KYNU: variants seen among roughly 807,000 people sequenced by gnomAD.
The protein encoded by KYNU is L-kynurenine hydrolase.
A neutral mutation model predicts 59.2 loss-of-function variants in KYNU; 54 were observed. The observed-to-expected ratio is 0.91, with a 90% CI of 0.73 to 1.14. KYNU has a LOEUF of 1.14. KYNU is among the 50% of genes most tolerant of loss of function. KYNU has a pLI of 0.00. For synonymous variants in KYNU, 177 were observed against 192.0 expected (o/e 0.92, Z 0.65); for missense variants, 567 against 554.4 (o/e 1.02, Z -0.23).
At chr2:142,905,997 C>T (rs780422246) in intron 2 of KYNU, among the ~76,000 whole-genome samples, 1 of 152,082 alleles carries the variant, frequency 6.6e-6, no homozygotes, top group African/African-American at 2.4e-5. Context: ...TCTCTCTCAT[C>T]TCTGTCTCTC....
At chr2:143,018,131 G>A (rs1039362471) in intron 10 of KYNU, among the ~76,000 whole-genome samples, 17 of 152,104 alleles carry the variant, frequency 1.1e-4, no homozygotes, top group African/African-American at 3.9e-4. Context: ...CAGTGAAGAA[G>A]CTCTTTAGTT....
chr2:142,997,915 C>G (rs970770567), intron 10 of KYNU, among the ~76,000 whole-genome samples: 2 of 152,274 alleles, frequency 1.3e-5, no homozygotes, highest in Admixed American at 6.5e-5. Flanking sequence ...ATCATATTCA[C>G]TAGATCCCCA....
At chr2:142,981,563 A>C (rs1298384714) in intron 8 of KYNU, among the ~76,000 whole-genome samples, 1 of 152,084 alleles carries the variant, frequency 6.6e-6, no homozygotes, top group Non-Finnish European at 1.5e-5. Context: ...GTTTTGATGA[A>C]GATTAATTAT....
At chr2:142,973,872 TAA>T (rs1684811383) in intron 8 of KYNU, among the ~76,000 whole-genome samples, 1 of 152,168 alleles carries the variant, frequency 6.6e-6, no homozygotes, top group African/African-American at 2.4e-5. Flanking sequence ...TAGAAATATG[TAA>T]AGAGAATATT....
intron 10 of KYNU, among the ~76,000 whole-genome samples, chr2:143,002,044 T>G (rs1254176220): frequency 6.6e-6 from 1 of 152,168 alleles, no homozygotes; most frequent in African/African-American, 2.4e-5. Flanking sequence ...GGGTAATAGA[T>G]CCACAGGTAA....
rs919956036 is a variant in KYNU at position 142,954,698 on chromosome 2, G to A, written c.374-112G>A. The stretch of plus-strand genomic sequence containing the variant: ...TTCTTTGTGATGACACATCAAATAT[G>A]CCCTTATCTCTAAAGACATTAAGAA... On this transcript the variant is annotated intron_variant, in intron 4 of 13. Transcript: ENST00000264170. The A allele has an allele frequency of 9.4e-5, 68 of 725,718 alleles. No homozygotes were observed. The Admixed American group carries it at 1.3e-3, about 14-fold the overall frequency. The allele number at this position is 725,718 out of a possible 1,614,324, so 45.0% of individuals were successfully genotyped here.
chr2:142,920,839 G>A (rs552805816), intron 3 of KYNU, among the ~76,000 whole-genome samples: 1 of 152,296 alleles, frequency 6.6e-6, no homozygotes, highest in Admixed American at 6.5e-5. Context: ...AATGTCTGTG[G>A]TGTTTGGGAT....
chr2:142,950,072 T>C (rs1683937312), intron 4 of KYNU, among the ~76,000 whole-genome samples: 1 of 152,194 alleles, frequency 6.6e-6, no homozygotes, highest in Admixed American at 6.5e-5. Context: ...AGAGTCACCT[T>C]TGCTCCAGTT....
intron 10 of KYNU, among the ~76,000 whole-genome samples, chr2:143,016,692 T>C (rs1044080284): frequency 6.6e-6 from 1 of 152,232 alleles, no homozygotes; most frequent in Non-Finnish European, 1.5e-5. Context: ...TTTATAATTA[T>C]GACTTTATGG....
intron 4 of KYNU, chr2:142,947,092 T>G: frequency 6.4e-7 from 1 of 1,551,030 alleles, no homozygotes; most frequent in Middle Eastern, 1.7e-4. Flanking sequence ...AATATGTCCT[T>G]TTGTTGCTTT....
At chr2:142,990,431 A>C (rs1484881937) in intron 10 of KYNU, among the ~76,000 whole-genome samples, 1 of 151,874 alleles carries the variant, frequency 6.6e-6, no homozygotes, top group Non-Finnish European at 1.5e-5. Context: ...GGGGATTCAA[A>C]GCTTTGTGAA....
chr2:142,963,811 GT>G (rs1211352099), intron 8 of KYNU, among the ~76,000 whole-genome samples: 3 of 152,086 alleles, frequency 2.0e-5, no homozygotes, highest in Admixed American at 6.5e-5. Flanking sequence ...GTATACACAG[GT>G]TGAATATTCC....
intron 8 of KYNU, 115 bp from the exon 9 acceptor site, chr2:142,984,969 G>A (rs1685156058): frequency 1.3e-6 from 1 of 744,154 alleles, no homozygotes. Context: ...TTGCATCAAA[G>A]AGCAAACCAT....
At chr2:143,025,524 C>G (rs1305258754) in intron 10 of KYNU, among the ~76,000 whole-genome samples, 1 of 152,082 alleles carries the variant, frequency 6.6e-6, no homozygotes, top group Non-Finnish European at 1.5e-5. Context: ...ATAATGTAAC[C>G]ACTGCTCTGA....
At chr2:142,981,266 T>G (rs1056416104) in intron 8 of KYNU, among the ~76,000 whole-genome samples, 1 of 152,172 alleles carries the variant, frequency 6.6e-6, no homozygotes. Flanking sequence ...GTGCTGCTTT[T>G]TCTATTTCTT....
At chr2:142,929,359 C>CAAA (rs5834929) in intron 4 of KYNU, among the ~76,000 whole-genome samples, 24 of 106,414 alleles carry the variant, frequency 2.3e-4, no homozygotes, top group East Asian at 8.2e-4. Flanking sequence ...TTGCCTTTCT[C>CAAA]AAAAAAAAAA....
rs1682290526 is a variant in KYNU at position 142,906,151 on chromosome 2, A to G, written c.170-12458A>G. On this transcript the variant is annotated intron_variant, in intron 2 of 13. Transcript: ENST00000264170. ...CTGTAGATGGATTTTGGAAAACAGC[A>G]GAAGGAAGTTCGCTTGTTGACCCCA... is the stretch of plus-strand genomic sequence containing the variant. Among the ~76,000 whole-genome samples the G allele has an allele frequency of 2.6e-5, 4 of 152,070 alleles. No homozygotes were observed. In the South Asian group the frequency reaches 8.3e-4, roughly 32 times the overall value.
chr2:142,943,632 A>G (rs1683675587), intron 4 of KYNU, among the ~76,000 whole-genome samples: 1 of 152,236 alleles, frequency 6.6e-6, no homozygotes, highest in African/African-American at 2.4e-5. Flanking sequence ...CCCTGGATAG[A>G]TAAAAATCAC....
At chr2:142,880,805 C>T (rs769503741) in intron 1 of KYNU, among the ~76,000 whole-genome samples, 142 of 152,134 alleles carry the variant, frequency 9.3e-4, no homozygotes, top group Non-Finnish European at 6.6e-4. Flanking sequence ...TAATGCCAAG[C>T]GGTAGAGACA....
Sources: allele counts gnomAD v4.1 joint callset (sites outside exome capture counted in the v4.1 genomes callset), GRCh38; gene constraint gnomAD v4.1.1; transcripts MANE v1.5; gene names NCBI Gene and HGNC (gene_info 2026-07-23, HGNC 2026-07-21).